The following SEMA3A variants were observed in gnomAD, a reference collection of about 807,000 sequenced individuals.
SEMA3A encodes semaphorin 3A, also known as semaphorin-3A.
In SEMA3A, 29 loss-of-function variants were observed where a neutral mutation model predicts 97.9. The observed-to-expected ratio is 0.30, with a 90% CI of 0.22 to 0.40. The LOEUF (loss-of-function observed/expected upper bound fraction) is 0.40. SEMA3A is among the 10% of genes least tolerant of loss of function. The probability of loss-of-function intolerance (pLI) is 1.00; values close to 1 mark genes in which losing one functional copy is unlikely to be tolerated. For synonymous variants in SEMA3A, 321 were observed against 323.7 expected, an observed-to-expected ratio of 0.99 and a Z score of 0.09; for missense variants, 763 against 951.3, an observed-to-expected ratio of 0.80 and a Z score of 2.60.
Position 84,447,415 on chromosome 7 carries a change from C to A in SEMA3A, c.-246+45045G>T, listed in dbSNP as rs146559464. ...CCAGGCTGTCAGTTCCTGGTGGAGTCCCCCACACAGAGTGAGAACTTGTGC... is the reference window on the plus strand; with the variant it reads ...CCAGGCTGTCAGTTCCTGGTGGAGTACCCCACACAGAGTGAGAACTTGTGC... On this transcript the variant is annotated intron_variant, in intron 1 of 3. Coordinates refer to the SEMA3A transcript ENST00000424555. Among the ~76,000 whole-genome samples, 526 of 152,260 alleles carry A rather than the reference C, an allele frequency of 3.5e-3. 4 individuals carry two copies. The highest frequency in any genetic ancestry group is 0.012 in the African/African-American group (512 of 41,572).
chr7:84,162,104 TA>T (rs373376849), intron 1 of SEMA3A, among the ~76,000 whole-genome samples: 14 of 152,202 alleles, frequency 9.2e-5, no homozygotes, highest in African/African-American at 3.1e-4. Context: ...TAGCTTCATA[TA>T]GTGCCTGTTG....
chr7:84,457,144 G>T (rs1422889085), intron 1 of SEMA3A, among the ~76,000 whole-genome samples: 1 of 151,674 alleles, frequency 6.6e-6, no homozygotes, highest in Non-Finnish European at 1.5e-5. Context: ...TGGTAAGATT[G>T]TTGCTAGTGT....
intron 4 of SEMA3A, among the ~76,000 whole-genome samples, chr7:84,074,640 T>C (rs1793872771): frequency 2.0e-5 from 3 of 152,016 alleles, no homozygotes; most frequent in South Asian, 4.1e-4. Context: ...TGTGTACCTA[T>C]AAGGAAATTT....
chr7:84,254,630 G>A (rs928733522), intron 3 of SEMA3A, among the ~76,000 whole-genome samples: 36 of 151,992 alleles, frequency 2.4e-4, no homozygotes, highest in Non-Finnish European at 3.1e-4. Flanking sequence ...AAAAATTTAA[G>A]CAGTTTTACT....
intron 1 of SEMA3A, among the ~76,000 whole-genome samples, chr7:84,178,518 G>A (rs918347306): frequency 2.0e-5 from 3 of 151,896 alleles, no homozygotes; most frequent in South Asian, 4.1e-4. Flanking sequence ...GGGTTATATT[G>A]TCCAAGGTCA....
intron 1 of SEMA3A, among the ~76,000 whole-genome samples, chr7:84,157,799 A>G (rs1441207676): frequency 2.0e-5 from 3 of 152,178 alleles, no homozygotes; most frequent in Non-Finnish European, 4.4e-5. Flanking sequence ...CTCATGCAAC[A>G]GAATTCTAAA....
rs1805195938 is a variant in SEMA3A, at chr7:84,438,644, C to T, written c.-246+53816G>A. On this transcript the variant is annotated intron_variant, in intron 1 of 3. Coordinates refer to the SEMA3A transcript ENST00000424555. The stretch of plus-strand genomic sequence containing the variant: ...CACAATAAAACTTGAAAAGCAAGAA[C>T]ATTTTCCCCATGATCTGAGTAAGGA... Among the ~76,000 whole-genome samples, 3 of 152,098 alleles carry T rather than the reference C, an allele frequency of 2.0e-5. No homozygotes were observed. The South Asian group carries it at 6.2e-4, about 32-fold the overall frequency.
chr7:84,109,188 G>A (rs955726780), intron 4 of SEMA3A, among the ~76,000 whole-genome samples: 6 of 152,104 alleles, frequency 3.9e-5, no homozygotes, highest in Admixed American at 3.9e-4. Context: ...ATGTGTACAA[G>A]GTCTCCAGGA....
chr7:83,972,861 ATAAT>A (rs910759442), intron 15 of SEMA3A, among the ~76,000 whole-genome samples: 4 of 152,138 alleles, frequency 2.6e-5, no homozygotes, highest in African/African-American at 9.7e-5. Flanking sequence ...TATAATATGA[ATAAT>A]TAGACTTTTT....
Position 83,961,430 on chromosome 7 carries a change from T to C in SEMA3A, c.2257A>G (p.Asn753Asp), listed in dbSNP as rs767122031. 5 of 1,613,978 alleles carry C rather than the reference T, an allele frequency of 3.1e-6. No individual in the cohort carries two copies. The Admixed American group carries it at 6.7e-5, about 22-fold the overall frequency. The change falls in exon 17 of 17, where the codon AAT (asparagine) becomes GAT (aspartate). Residue 753 changes from asparagine to aspartate, a missense_variant. Asn to Asp is a conservative substitution (Grantham distance 23). Coordinates refer to ENST00000265362, the MANE Select transcript of SEMA3A (RefSeq NM_006080.3). ...NSNKWKHLQE[N>D]KKGRNRRTHE... ...GTCCTCCTGTTTCTACCTTTCTTAT[T>C]TTCTTGTAAGTGCTTCCATTTGTTA...
In SEMA3A at chr7:83,957,398, G is replaced by T. The variant is rs797823; in HGVS notation, c.*3973C>A. 1 of 152,024 alleles carries T rather than the reference G, an allele frequency of 6.6e-6. No homozygotes were observed. The highest frequency in any genetic ancestry group is 1.5e-5 in the Non-Finnish European group (1 of 67,954). The allele number at this position is 152,024 out of a possible 1,614,324, so 9.4% of individuals were successfully genotyped here. On this transcript the variant is annotated 3_prime_UTR_variant, in exon 17 of 17. Coordinates refer to ENST00000265362, the MANE Select transcript of SEMA3A (RefSeq NM_006080.3). The stretch of plus-strand genomic sequence containing the variant: ...ATCTATCAGTGGAATTTACTTGAAC[G>T]TGTAGGAAGCTGGTTCTAAAAGGCA...
chr7:84,223,130 A>T (rs1798916896), intron 3 of SEMA3A, among the ~76,000 whole-genome samples: 1 of 151,904 alleles, frequency 6.6e-6, no homozygotes, highest in East Asian at 1.9e-4. Flanking sequence ...AGGACTAAAG[A>T]CAGGCAAGGG....
At chr7:84,393,239 G>T (rs1382473535) in intron 1 of SEMA3A, among the ~76,000 whole-genome samples, 2 of 152,072 alleles carry the variant, frequency 1.3e-5, no homozygotes, top group African/African-American at 4.8e-5. Flanking sequence ...GTGAGATAAG[G>T]GTCCAATTTC....
chr7:84,117,998 AC>A (rs1307511912), intron 3 of SEMA3A, among the ~76,000 whole-genome samples: 1 of 152,186 alleles, frequency 6.6e-6, no homozygotes, highest in African/African-American at 2.4e-5. Context: ...TATTTCTATG[AC>A]TGCTTAACTC....
chr7:84,432,759 T>C (rs981285615), intron 1 of SEMA3A, among the ~76,000 whole-genome samples: 1 of 152,220 alleles, frequency 6.6e-6, no homozygotes, highest in Non-Finnish European at 1.5e-5. Flanking sequence ...ATGGTGCATA[T>C]GTGCCATATT....
At chr7:84,215,529 A>T (rs1798732196) in intron 3 of SEMA3A, among the ~76,000 whole-genome samples, 3 of 152,194 alleles carry the variant, frequency 2.0e-5, no homozygotes, top group Admixed American at 1.3e-4. Flanking sequence ...GCTCTCCCTG[A>T]CAACTCAATT....
intron 4 of SEMA3A, among the ~76,000 whole-genome samples, chr7:84,085,126 A>T (rs1306872388): frequency 6.6e-6 from 1 of 152,086 alleles, no homozygotes; most frequent in Non-Finnish European, 1.5e-5. Flanking sequence ...AATAAAGAGG[A>T]TATCTATGTA....
chr7:84,415,097 T>G (rs1178867781), intron 1 of SEMA3A, among the ~76,000 whole-genome samples: 1 of 152,132 alleles, frequency 6.6e-6, no homozygotes, highest in Non-Finnish European at 1.5e-5. Flanking sequence ...GATATTAAGA[T>G]AGTATTGCTG....
In SEMA3A at chr7:84,313,354, GTGTATATATATATATATATATA is replaced by G. The variant is rs1438913715; in HGVS notation, c.-168-6084_-168-6063del. On this transcript the variant is annotated intron_variant, in intron 2 of 3. Transcript: ENST00000424555. Reference sequence around the variant, plus strand: ...CATATATATATATGTATATGTGTGTGTGTATATATATATATATATATATATATATATATATATATATATATAT... The same window carrying G: ...CATATATATATATGTATATGTGTGTGTATATATATATATATATATATATAT... Among the ~76,000 whole-genome samples the G allele has an allele frequency of 9.1e-3, 335 of 36,810 alleles. 14 individuals are homozygous for G. Among genetic ancestry groups the G allele is most frequent in the East Asian group, 0.055 (145 of 2,622 alleles). The allele number at this position is 36,810 out of a possible 152,430, so 24.1% of individuals were successfully genotyped here. A position where few individuals can be genotyped will look rare whatever the true frequency, so the allele number is the denominator to read the frequency against.
Sources: gnomAD v4.1 joint callset for allele counts (sites outside exome capture counted in the v4.1 genomes callset) on GRCh38, gnomAD v4.1.1 for gene constraint, MANE v1.5 for transcripts, NCBI Gene and HGNC (gene_info 2026-07-23, HGNC 2026-07-21) for gene names.